Variants in HOXB13 observed in about 807,000 individuals in gnomAD.
HOXB13 encodes the protein homeobox B13, also known as homeobox protein Hox-B13.
A neutral mutation model predicts 23.1 loss-of-function variants in HOXB13; 22 were observed. The ratio of observed to expected loss-of-function variants is 0.95; its 90% CI spans 0.68 to 1.36. HOXB13 has a LOEUF of 1.36. Among genes scored for constraint, HOXB13 ranks in the 40% most tolerant of loss-of-function variants. The pLI is 0.00. For synonymous variants in HOXB13, 173 were observed against 157.9 expected, an observed-to-expected ratio of 1.10 and a Z score of -0.72; for missense variants, 386 against 376.2, an observed-to-expected ratio of 1.03 and a Z score of -0.22.
rs1597935186 is a variant in HOXB13, at chr17:48,728,515, G to C, written c.79C>G (p.Leu27Val). ...CTGGTCAGAGGGGAGTGGGCGACCA[G>C]ATTCCGCCCCCCTCCCGCTCCCAGC... ...GLLGAGGGRN[L>V]VAHSPLTSHP... Residue 27 changes from leucine (L) to valine (V), a missense_variant, in exon 1 of 2, where the codon CTG (leucine) becomes GTG (valine). Transcript: ENST00000290295. The C allele has an allele frequency of 6.2e-7, 1 of 1,613,392 alleles. No homozygotes were observed. Among genetic ancestry groups the C allele is most frequent in the Non-Finnish European group, 8.5e-7 (1 of 1,179,968 alleles).
At position 48,726,934 on chromosome 17, in the gene HOXB13, A is replaced by G. The variant is rs1555558465; in HGVS notation, c.711T>C (p.Ala237=). 6.2e-7 allele frequency: 1 copy of G among 1,613,774 alleles called. No homozygotes were observed. Among genetic ancestry groups the G allele is most frequent in the Non-Finnish European group, 8.5e-7 (1 of 1,179,970 alleles). ...QLRELEREYA[A]NKFITKDKRR... is the part of the protein sequence containing the mutation. ...TCTTGTCCTTGGTGATGAACTTGTTAGCCGCATACTCCCGCTCCAGCTCCC... is the reference window on the plus strand; with the variant it reads ...TCTTGTCCTTGGTGATGAACTTGTTGGCCGCATACTCCCGCTCCAGCTCCC... Residue 237 remains alanine (A), a synonymous_variant, in exon 2 of 2, where the codon GCT becomes GCC. Coordinates refer to ENST00000290295, the MANE Select transcript of HOXB13 (RefSeq NM_006361.6).
At position 48,727,157 on chromosome 17, in the gene HOXB13, A is replaced by G. The variant is rs1597933263; in HGVS notation, c.602-114T>C. 3.0e-5 allele frequency: 39 copies of G among 1,304,208 alleles called. 2 individuals carry two copies. Among genetic ancestry groups the G allele is most frequent in the South Asian group, 2.2e-4 (16 of 71,722 alleles). The allele number at this position is 1,304,208 out of a possible 1,614,324, so 80.8% of individuals were successfully genotyped here. ...CTCACAGGTGCACACAGGTCACCCTACAGGCGCACGTGCAATCCTGTTCCT... is the reference window on the plus strand; with the variant it reads ...CTCACAGGTGCACACAGGTCACCCTGCAGGCGCACGTGCAATCCTGTTCCT... On this transcript the variant is annotated intron_variant, in intron 1 of 1. Transcript: ENST00000290295.
intron 1 of HOXB13, 42 bp downstream of exon 1, chr17:48,727,951 C>T: frequency 3.2e-6 from 5 of 1,584,788 alleles, no homozygotes; most frequent in Non-Finnish European, 4.3e-6. Flanking sequence ...GGACCCACAA[C>T]CCCAGGCTCA....
Position 48,726,583 on chromosome 17 carries a change from TGGGC to T in HOXB13, c.*203_*206del. ...AGGTTCTTTGGGAACCCTGGTGGAG[TGGGC>T]TGTCACATGGGGTTCCGTCTCCCTG... On this transcript the variant is annotated 3_prime_UTR_variant, in exon 2 of 2. Transcript: ENST00000290295. 2 of 593,454 alleles carry T rather than the reference TGGGC, an allele frequency of 3.4e-6. No homozygotes were observed. The highest frequency in any genetic ancestry group is 5.9e-6 in the Non-Finnish European group (2 of 338,380). 36.8% of individuals were successfully genotyped at this position (593,454 alleles called of 1,614,324 possible).
Position 48,727,041 on chromosome 17 carries a change from A to G in HOXB13, c.604T>C (p.Ser202Pro). 1 of 1,605,478 alleles carries G rather than the reference A, an allele frequency of 6.2e-7. No homozygotes were observed. ...GPFWKAAFAD[S>P]SGQHPPDACA... is the part of the protein sequence containing the mutation. ...GCGTCAGGAGGGTGCTGCCCGCTGG[A>G]GTCTGCGCGGCGTGAAAGGGAGGGA... Residue 202 changes from serine to proline, a missense_variant and splice_region_variant, in exon 2 of 2, where the codon TCC becomes CCC. By Grantham distance (74) the Ser-to-Pro change is moderately conservative. Transcript: ENST00000290295.
At chr17:48,727,144 C>T (rs970712381) in intron 1 of HOXB13, 101 bp from the exon 2 acceptor site, 1 of 1,429,762 alleles carries the variant, frequency 7.0e-7, no homozygotes, top group East Asian at 2.3e-5. Flanking sequence ...CACAGGTGCA[C>T]ACAGGTCACC....
In HOXB13 at chr17:48,728,659, C is replaced by A; in HGVS notation, c.-66G>T. The A allele has an allele frequency of 6.5e-7, 1 of 1,528,656 alleles. No individual in the cohort carries two copies. The highest frequency in any genetic ancestry group is 9.0e-7 in the Non-Finnish European group (1 of 1,116,046). 94.7% of individuals were successfully genotyped at this position (1,528,656 alleles called of 1,614,324 possible). On this transcript the variant is annotated 5_prime_UTR_variant, in exon 1 of 2. Coordinates refer to ENST00000290295, the MANE Select transcript of HOXB13 (RefSeq NM_006361.6). ...CTAGGGGGCACCCAGCTCGCTCTCC[C>A]CACCCAGGCCGGGGGAATCCAAAGC...
Position 48,726,669 on chromosome 17 carries a change from G to A in HOXB13, c.*121C>T, listed in dbSNP as rs748824802. 4.0e-6 allele frequency: 5 copies of A among 1,254,562 alleles called. No homozygotes were observed. The highest frequency in any genetic ancestry group is 5.5e-6 in the Non-Finnish European group (5 of 912,894). The allele number at this position is 1,254,562 out of a possible 1,614,324, so 77.7% of individuals were successfully genotyped here. A position where few individuals can be genotyped will look rare whatever the true frequency, so the allele number is the denominator to read the frequency against. On this transcript the variant is annotated 3_prime_UTR_variant, in exon 2 of 2. Coordinates refer to ENST00000290295, the MANE Select transcript of HOXB13 (RefSeq NM_006361.6). Reference sequence around the variant, plus strand: ...AACAGTCCAGCAGCCAGTGGCCTGGGAAGGGTGTTGTCTCTAGGGGCCTCT... The same window carrying A: ...AACAGTCCAGCAGCCAGTGGCCTGGAAAGGGTGTTGTCTCTAGGGGCCTCT...
rs954452496 is a variant in HOXB13, at chr17:48,726,456, C to T, written c.*334G>A. 2.3e-5 allele frequency: 7 copies of T among 309,214 alleles called. No homozygotes were observed. The highest frequency in any genetic ancestry group is 3.6e-5 in the Non-Finnish European group (6 of 167,322). The allele number at this position is 309,214 out of a possible 1,614,324, so 19.2% of individuals were successfully genotyped here. A position where few individuals can be genotyped will look rare whatever the true frequency, so the allele number is the denominator to read the frequency against. On this transcript the variant is annotated 3_prime_UTR_variant, in exon 2 of 2. Coordinates refer to ENST00000290295, the MANE Select transcript of HOXB13 (RefSeq NM_006361.6). ...TCATGAAAGCGGTTTCTAAAGTGCT[C>T]TACAGAGCTCTAGATAGAAAATATG...
rs1597935282 is a variant in HOXB13, at chr17:48,728,549, G to C, written c.45C>G (p.Ile15Met). The C allele has an allele frequency of 6.2e-7, 1 of 1,613,002 alleles. No homozygotes were observed. The highest frequency in any genetic ancestry group is 8.5e-7 in the Non-Finnish European group (1 of 1,179,950). The change falls in exon 1 of 2, where the codon ATC becomes ATG. Residue 15 changes from isoleucine to methionine, a missense_variant. Ile to Met is a conservative substitution (Grantham distance 10, BLOSUM62 1). Coordinates refer to ENST00000290295, the MANE Select transcript of HOXB13 (RefSeq NM_006361.6). Reference protein sequence around the residue: ...NYATLDGAKDIEGLLGAGGGR... With the variant: ...NYATLDGAKDMEGLLGAGGGR... ...CCCCTCCCGCTCCCAGCAAGCCTTC[G>C]ATATCCTTGGCTCCATCCAAGGTGG...
rs761914407 is a variant in HOXB13, at chr17:48,727,002, G to C, written c.643C>G (p.Arg215Gly). ...QHPPDACAFR[R>G]GRKKRIPYSK... ...TACGGAATGCGTTTCTTGCGGCCGC[G>C]ACGAAAGGCGCAGGCGTCAGGAGGG... Residue 215 changes from arginine to glycine, a missense_variant, in exon 2 of 2, where the codon CGC becomes GGC. Arg to Gly is a moderately radical substitution (Grantham distance 125). Coordinates refer to ENST00000290295, the MANE Select transcript of HOXB13 (RefSeq NM_006361.6). 3.1e-6 allele frequency: 5 copies of C among 1,610,924 alleles called. No homozygotes were observed. In the African/African-American group the frequency reaches 6.7e-5, roughly 21 times the overall value.
In HOXB13 at chr17:48,728,110, A is replaced by C; in HGVS notation, c.484T>G (p.Ser162Ala). 6.2e-7 allele frequency: 1 copy of C among 1,614,160 alleles called. No individual in the cohort carries two copies. Among genetic ancestry groups the C allele is most frequent in the Non-Finnish European group, 8.5e-7 (1 of 1,180,030 alleles). ...LGAPGEPRHD[S>A]LLPVDSYQSW... ...TGGTAACTGTCCACAGGCAACAGGGAGTCATGTCGCGGTTCTCCAGGAGCA... is the reference window on the plus strand; with the variant it reads ...TGGTAACTGTCCACAGGCAACAGGGCGTCATGTCGCGGTTCTCCAGGAGCA... The change falls in exon 1 of 2, where the codon TCC (serine) becomes GCC (alanine). Residue 162 changes from serine (S) to alanine (A), a missense_variant. Transcript: ENST00000290295.
intron 1 of HOXB13, 64 bp from the exon 2 acceptor site, chr17:48,727,107 C>T (rs746927039): frequency 3.2e-6 from 5 of 1,573,578 alleles, no homozygotes; most frequent in Middle Eastern, 1.7e-4. Context: ...CAGACCCAGG[C>T]CTTGCAAGCC....
At position 48,726,197 on chromosome 17, in the gene HOXB13, C is replaced by A. The variant is rs2038205974; in HGVS notation, c.*593G>T. ...GGTGCTTCCAAGACCAGTGGGTACACCCTATGGGGTGGACAAGGAGGGAGG... is the reference window on the plus strand; with the variant it reads ...GGTGCTTCCAAGACCAGTGGGTACAACCTATGGGGTGGACAAGGAGGGAGG... On this transcript the variant is annotated 3_prime_UTR_variant, in exon 2 of 2. Transcript: ENST00000290295. 6.5e-6 allele frequency: 1 copy of A among 153,760 alleles called. No individual in the cohort carries two copies. Among genetic ancestry groups the A allele is most frequent in the Non-Finnish European group, 1.4e-5 (1 of 69,142 alleles). 9.5% of individuals were successfully genotyped at this position (153,760 alleles called of 1,614,324 possible).
intron 1 of HOXB13, 63 bp from the exon 2 acceptor site, chr17:48,727,106 G>A (rs2143068385): frequency 1.9e-6 from 3 of 1,574,920 alleles, no homozygotes; most frequent in South Asian, 2.3e-5. Context: ...GCAGACCCAG[G>A]CCTTGCAAGC....
Position 48,728,708 on chromosome 17 carries a change from A to C in HOXB13, c.-115T>G. 1 of 1,007,774 alleles carries C rather than the reference A, an allele frequency of 9.9e-7. No individual in the cohort carries two copies. 62.4% of individuals were successfully genotyped at this position (1,007,774 alleles called of 1,614,324 possible). A position where few individuals can be genotyped will look rare whatever the true frequency, so the allele number is the denominator to read the frequency against. On this transcript the variant is annotated 5_prime_UTR_variant, in exon 1 of 2. Coordinates refer to ENST00000290295, the MANE Select transcript of HOXB13 (RefSeq NM_006361.6). ...GCGTTTTAAATCGCTCCCAGCTCGCAAGTCGCCTGCATTCGCTCAGCACGG... is the reference window on the plus strand; with the variant it reads ...GCGTTTTAAATCGCTCCCAGCTCGCCAGTCGCCTGCATTCGCTCAGCACGG...
In HOXB13 at chr17:48,726,157, A is replaced by G. The variant is rs2038205295; in HGVS notation, c.*633T>C. 6.6e-6 allele frequency: 1 copy of G among 152,264 alleles called. No individual in the cohort carries two copies. The highest frequency in any genetic ancestry group is 1.5e-5 in the Non-Finnish European group (1 of 68,070). 9.4% of individuals were successfully genotyped at this position (152,264 alleles called of 1,614,324 possible). On this transcript the variant is annotated 3_prime_UTR_variant, in exon 2 of 2. Coordinates refer to ENST00000290295, the MANE Select transcript of HOXB13 (RefSeq NM_006361.6). ...TTCATTTTCACACGACAGAAAAATC[A>G]TCGTATTAAGGATGGGTGCTTCCAA...
In HOXB13 at chr17:48,728,202, G is replaced by T. The variant is rs2038234130; in HGVS notation, c.392C>A (p.Pro131Gln). ...AGGCTGGTAGGTTCCCGGATATCCC[G>T]GATAGAAGGCAAACTCAGTGGGGCG... ...PSRPTEFAFY[P>Q]GYPGTYQPMA... is the part of the protein sequence containing the mutation. The change falls in exon 1 of 2, where the codon CCG becomes CAG. Residue 131 changes from proline (P) to glutamine (Q), a missense_variant. Coordinates refer to ENST00000290295, the MANE Select transcript of HOXB13 (RefSeq NM_006361.6). 6.2e-7 allele frequency: 1 copy of T among 1,614,196 alleles called. No homozygotes were observed. The highest frequency in any genetic ancestry group is 8.5e-7 in the Non-Finnish European group (1 of 1,180,042).
rs200997384 is a variant in HOXB13 at position 48,726,813 on chromosome 17, C to T, written c.832G>A (p.Val278Met). ...RVKEKKVLAK[V>M]KNSATP ...TCTTAAGGGGTAGCGCTGTTCTTCA[C>T]CTTGGCGAGAACCTTCTTCTCTTTG... is the stretch of plus-strand genomic sequence containing the variant. The change falls in exon 2 of 2, where the codon GTG becomes ATG. Residue 278 changes from valine (V) to methionine (M), a missense_variant. By Grantham distance (21) the Val-to-Met change is conservative. Coordinates refer to ENST00000290295, the MANE Select transcript of HOXB13 (RefSeq NM_006361.6). The T allele has an allele frequency of 1.2e-6, 2 of 1,614,186 alleles. No homozygotes were observed. Among genetic ancestry groups the T allele is most frequent in the East Asian group, 2.2e-5 (1 of 44,882 alleles).
Sources: allele counts gnomAD v4.1 joint callset, GRCh38; gene constraint gnomAD v4.1.1; transcripts MANE v1.5; gene names NCBI Gene and HGNC (gene_info 2026-07-23, HGNC 2026-07-21).